Variants in BCO2 observed in about 807,000 individuals in gnomAD.
The protein encoded by BCO2 is beta-carotene oxygenase 2.
BCO2 carries 56 observed loss-of-function variants against 65.8 expected under a neutral mutation model. The ratio of observed to expected loss-of-function variants is 0.85; its 90% CI spans 0.69 to 1.06. The LOEUF (loss-of-function observed/expected upper bound fraction) is 1.06, where lower values mean the gene tolerates loss of function less well. BCO2 is among the 50% of genes least tolerant of loss of function. The pLI, the probability that BCO2 is intolerant of heterozygous loss-of-function variation, is 0.00. For missense variants in BCO2, 675 were observed against 698.5 expected, an observed-to-expected ratio of 0.97 and a Z score of 0.38; for synonymous variants, 233 against 242.3, an observed-to-expected ratio of 0.96 and a Z score of 0.36.
intron 1 of BCO2, among the ~76,000 whole-genome samples, chr11:112,177,078 C>G (rs1866906466): frequency 1.3e-5 from 2 of 152,092 alleles, no homozygotes; most frequent in Non-Finnish European, 2.9e-5. Flanking sequence ...TTGTGTATCT[C>G]TACTTAGACA....
rs1867460889 is a variant in BCO2 at position 112,193,477 on chromosome 11, C to T, written c.297C>T (p.Tyr99=). 2 of 1,613,702 alleles carry T rather than the reference C, an allele frequency of 1.2e-6. No individual in the cohort carries two copies. The highest frequency in any genetic ancestry group is 1.7e-6 in the Non-Finnish European group (2 of 1,179,688). ...ATTTATTTTCTCCTGTTTGAAGGTA[C>T]AATCATTGGTTTGATGGGATGGCGC... ...PGKFEFGKDK[Y]NHWFDGMALL... Residue 99 remains tyrosine, a synonymous_variant, in exon 3 of 12, where the codon TAC becomes TAT. Transcript: ENST00000357685.
At chr11:112,190,149 G>A (rs376308080) in intron 2 of BCO2, among the ~76,000 whole-genome samples, 1 of 151,976 alleles carries the variant, frequency 6.6e-6, no homozygotes, top group East Asian at 1.9e-4. Flanking sequence ...AGCCAAGTGT[G>A]GGGGCGTGTC....
At chr11:112,194,605 G>A (rs759369090) in intron 4 of BCO2, 48 bp from the exon 5 acceptor site, 20 of 1,107,484 alleles carry the variant, frequency 1.8e-5, no homozygotes, top group Middle Eastern at 3.9e-4. Context: ...TTATGCATGT[G>A]AATAGAGATC....
At chr11:112,202,269 TTC>T (rs377696576) in intron 8 of BCO2, 79 bp downstream of exon 8, 36,185 of 1,085,692 alleles carry the variant, frequency 0.033, no homozygotes, top group East Asian at 0.051. Context: ...AATTACATGT[TTC>T]TCTCTCTCTC....
chr11:112,179,154 A>G (rs752088550), intron 1 of BCO2, 124 bp from the exon 2 acceptor site: 4 of 805,858 alleles, frequency 5.0e-6, no homozygotes, highest in Non-Finnish European at 5.9e-6. Flanking sequence ...TGGAGCCTGT[A>G]TTTGGTGTTA....
intron 8 of BCO2, among the ~76,000 whole-genome samples, chr11:112,205,891 A>C (rs1867852834): frequency 6.6e-6 from 1 of 152,158 alleles, no homozygotes; most frequent in Admixed American, 6.5e-5. Context: ...GAGCTACCAC[A>C]CCTGGCCTCT....
chr11:112,204,026 G>A (rs1461880937), intron 8 of BCO2, among the ~76,000 whole-genome samples: 1 of 151,954 alleles, frequency 6.6e-6, no homozygotes, highest in East Asian at 1.9e-4. Context: ...GCTAATTTTT[G>A]TATTTTTAGT....
At chr11:112,179,199 A>T (rs538165445) in intron 1 of BCO2, 79 bp from the exon 2 acceptor site, 2 of 1,366,428 alleles carry the variant, frequency 1.5e-6, no homozygotes, top group South Asian at 1.2e-5. Context: ...AGTTGATAAG[A>T]TTATTGTCTG....
At chr11:112,193,403 T>G (rs1239422634) in intron 2 of BCO2, 71 bp from the exon 3 acceptor site, 3 of 1,313,368 alleles carry the variant, frequency 2.3e-6, no homozygotes, top group Admixed American at 1.9e-5. Context: ...GAAATGAAGA[T>G]CTATCACTCT....
In BCO2 at chr11:112,216,252, A is replaced by C; in HGVS notation, c.1548A>C (p.Glu516Asp). Residue 516 changes from glutamate to aspartate, a missense_variant, in exon 11 of 12, where the codon GAA becomes GAC. Glu to Asp is a conservative substitution (Grantham distance 45). Coordinates refer to ENST00000357685, the MANE Select transcript of BCO2 (RefSeq NM_031938.7). ...VWREDGFYPS[E>D]PVFVPAPGTN... ...GAGAAGATGGCTTTTATCCCTCAGAACCTGTTTTTGTTCCAGCACCAGGAA... is the reference window on the plus strand; with the variant it reads ...GAGAAGATGGCTTTTATCCCTCAGACCCTGTTTTTGTTCCAGCACCAGGAA... 1 of 1,614,110 alleles carries C rather than the reference A, an allele frequency of 6.2e-7. No individual in the cohort carries two copies. The highest frequency in any genetic ancestry group is 8.5e-7 in the Non-Finnish European group (1 of 1,179,994).
At position 112,193,078 on chromosome 11, in the gene BCO2, C is replaced by T. The variant is rs531655764; in HGVS notation, c.294-396C>T. On this transcript the variant is annotated intron_variant, in intron 2 of 11. Coordinates refer to ENST00000357685, the MANE Select transcript of BCO2 (RefSeq NM_031938.7). ...CTGCAATCTCCGCCTCCCAGGTTCACGCCATTCTCCTGCCTTAGCCTCCCA... is the reference window on the plus strand; with the variant it reads ...CTGCAATCTCCGCCTCCCAGGTTCATGCCATTCTCCTGCCTTAGCCTCCCA... Among the ~76,000 whole-genome samples the T allele has an allele frequency of 2.7e-5, 4 of 150,394 alleles. 1 individual carries two copies. Among genetic ancestry groups the T allele is most frequent in the African/African-American group, 4.9e-5 (2 of 40,904 alleles).
At chr11:112,193,719 A>G (rs1867473816) in intron 3 of BCO2, 22 bp downstream of exon 3, 2 of 1,597,362 alleles carry the variant, frequency 1.3e-6, no homozygotes, top group African/African-American at 1.3e-5. Context: ...GATTATTTAA[A>G]CTATTACGAT....
intron 2 of BCO2, among the ~76,000 whole-genome samples, chr11:112,186,185 G>A (rs187582107): frequency 6.6e-6 from 1 of 152,258 alleles, no homozygotes; most frequent in East Asian, 1.9e-4. Flanking sequence ...TCTTACAGAG[G>A]GTATATGGTA....
intron 2 of BCO2, chr11:112,180,832 A>G (rs1592833539): frequency 9.4e-7 from 1 of 1,058,910 alleles, no homozygotes; most frequent in South Asian, 1.3e-5. Context: ...TAGTTGTTGT[A>G]TATGGAACTT....
At chr11:112,194,352 A>G (rs1186858546) in intron 4 of BCO2, 1 of 409,582 alleles carries the variant, frequency 2.4e-6, no homozygotes, top group Non-Finnish European at 4.3e-6. Flanking sequence ...ATTAAAAAGA[A>G]AATTTTAGAC....
At chr11:112,197,273 G>T (rs1413910764) in intron 5 of BCO2, among the ~76,000 whole-genome samples, 1 of 152,186 alleles carries the variant, frequency 6.6e-6, no homozygotes, top group Non-Finnish European at 1.5e-5. Flanking sequence ...TCAGGGTCAG[G>T]TGCAGTGGCT....
At chr11:112,213,644 A>C in intron 8 of BCO2, 80 bp from the exon 9 acceptor site, 1 of 1,330,978 alleles carries the variant, frequency 7.5e-7, no homozygotes, top group Non-Finnish European at 1.1e-6. Context: ...AATGCCAATG[A>C]TGTTGACTGG....
chr11:112,214,529 TA>T (rs1249792471), intron 9 of BCO2, among the ~76,000 whole-genome samples: 1 of 152,242 alleles, frequency 6.6e-6, no homozygotes, highest in Non-Finnish European at 1.5e-5. Flanking sequence ...TTTAGAAGAA[TA>T]AAACGCATAT....
intron 8 of BCO2, among the ~76,000 whole-genome samples, chr11:112,206,485 G>A (rs2135387406): frequency 6.6e-6 from 1 of 152,338 alleles, no homozygotes; most frequent in Admixed American, 6.5e-5. Context: ...GAGGCCAGGT[G>A]TGGTGGCTCA....
Sources: allele counts gnomAD v4.1 joint callset (sites outside exome capture counted in the v4.1 genomes callset), GRCh38; gene constraint gnomAD v4.1.1; transcripts MANE v1.5; gene names NCBI Gene and HGNC (gene_info 2026-07-23, HGNC 2026-07-21).